The following WDR81 variants were observed in gnomAD, a reference collection of about 807,000 sequenced individuals.
WDR81 encodes the protein WD repeat-containing protein 81.
Under a neutral mutation model 140.8 loss-of-function variants are expected in WDR81, and 92 were observed. That is an observed-to-expected ratio of 0.65 (90% CI 0.55 to 0.78). The LOEUF (loss-of-function observed/expected upper bound fraction) is 0.78, where lower values mean the gene tolerates loss of function less well. WDR81 is among the 30% of genes least tolerant of loss of function. The pLI, the probability that WDR81 is intolerant of heterozygous loss-of-function variation, is 0.00. For missense variants in WDR81, 2,502 were observed against 2,636.4 expected (o/e 0.95, Z 1.12); for synonymous variants, 1,183 against 1,156.4 (o/e 1.02, Z -0.47).
At chr17:1,730,985 G>A (rs1597296261) in intron 3 of WDR81, 40 bp downstream of exon 3, 1 of 1,607,342 alleles carries the variant, frequency 6.2e-7, no homozygotes, top group African/African-American at 1.3e-5. Context: ...TGGGAAGGCT[G>A]AGGACCTGAG....
chr17:1,716,995 A>G (rs576025699), intron 1 of WDR81: 1 of 379,670 alleles, frequency 2.6e-6, no homozygotes, highest in South Asian at 3.6e-5. Context: ...GAGCCTCCCA[A>G]GAGGTAGCTT....
chr17:1,728,339 AG>A lies in WDR81; in HGVS notation c.3386del (p.Gly1129ValfsTer18). The A allele has an allele frequency of 6.2e-7, 1 of 1,612,862 alleles. No individual in the cohort carries two copies. Among genetic ancestry groups the A allele is most frequent in the Non-Finnish European group, 8.5e-7 (1 of 1,180,002 alleles). On this transcript the variant is annotated frameshift_variant, in exon 1 of 10. Coordinates refer to ENST00000409644, the MANE Select transcript of WDR81 (RefSeq NM_001163809.2). LOFTEE classifies it high-confidence loss of function. ...TSLGEERAPD[E>X]GGAPVDKSSL... The stretch of plus-strand genomic sequence containing the variant: ...CTGGGTGAGGAGCGGGCTCCAGACG[AG>A]GGGGGTGCCCCCGTGGACAAGAGCA...
At chr17:1,718,700 T>C (rs983720783) in intron 1 of WDR81, among the ~76,000 whole-genome samples, 1 of 152,284 alleles carries the variant, frequency 6.6e-6, no homozygotes, top group East Asian at 1.9e-4. Flanking sequence ...TGGCAAGGCG[T>C]GGAGAAATTG....
Position 1,733,605 on chromosome 17 carries a change from C to G in WDR81, c.4568C>G (p.Pro1523Arg). Residue 1523 changes from proline (P) to arginine (R), a missense_variant, in exon 7 of 10, where the codon CCC (proline) becomes CGC (arginine). By Grantham distance (103) the Pro-to-Arg change is moderately radical. This residue lies in a region of WDR81 where 1,737 missense variants were observed against 1,843.0 expected (regional missense o/e 0.94). Coordinates refer to ENST00000409644, the MANE Select transcript of WDR81 (RefSeq NM_001163809.2). Reference sequence around the variant, plus strand: ...GCGCTGTACTTGGAGAGCATCAGCCCCAGCAGTCGCAACCCTGCCAGCGTG... The same window carrying G: ...GCGCTGTACTTGGAGAGCATCAGCCGCAGCAGTCGCAACCCTGCCAGCGTG... ...LAALYLESIS[P>R]SSRNPASVEP... 1 of 1,576,936 alleles carries G rather than the reference C, an allele frequency of 6.3e-7. No homozygotes were observed. Among genetic ancestry groups the G allele is most frequent in the Non-Finnish European group, 8.6e-7 (1 of 1,161,454 alleles).
Position 1,732,657 on chromosome 17 carries a change from T to G in WDR81, c.4324-9T>G, listed in dbSNP as rs1904455395. ...GACCCGGCTGACCCCCTGGGTGTCTTGCTCATAGGATCTGAAGCTGGACCC... is the reference window on the plus strand; with the variant it reads ...GACCCGGCTGACCCCCTGGGTGTCTGGCTCATAGGATCTGAAGCTGGACCC... On this transcript the variant is annotated splice_polypyrimidine_tract_variant and intron_variant, in intron 5 of 9. Transcript: ENST00000409644. The G allele has an allele frequency of 5.6e-6, 9 of 1,595,552 alleles. No individual in the cohort carries two copies. The East Asian group carries it at 1.8e-4, about 32-fold the overall frequency.
upstream of WDR81, chr17:1,724,661 C>T (rs1466265013): frequency 1.9e-6 from 2 of 1,041,468 alleles, no homozygotes; most frequent in Non-Finnish European, 2.3e-6. Flanking sequence ...TCTGGAGCCA[C>T]GTGCGCTTGT....
Position 1,734,197 on chromosome 17 carries a change from C to A in WDR81, c.5160C>A (p.His1720Gln). ...QHVVSCDGAVHVWDPFTGKTL... is the reference protein window; with the variant it reads ...QHVVSCDGAVQVWDPFTGKTL... ...TGGTGAGCTGTGACGGGGCTGTGCACGTCTGGGACCCCTTCACAGGTGAGC... is the reference window on the plus strand; with the variant it reads ...TGGTGAGCTGTGACGGGGCTGTGCAAGTCTGGGACCCCTTCACAGGTGAGC... Residue 1720 changes from histidine (H) to glutamine (Q), a missense_variant, in exon 7 of 10, where the codon CAC becomes CAA. Transcript: ENST00000409644. 6.3e-7 allele frequency: 1 copy of A among 1,589,306 alleles called. No individual in the cohort carries two copies. The highest frequency in any genetic ancestry group is 1.1e-5 in the South Asian group (1 of 90,206).
rs1287235106 is a variant in WDR81, at chr17:1,725,472, C to T, written c.513C>T (p.Val171=). 1.3e-6 allele frequency: 2 copies of T among 1,548,822 alleles called. No individual in the cohort carries two copies. Among genetic ancestry groups the T allele is most frequent in the South Asian group, 1.2e-5 (1 of 84,064 alleles). ...GTCACAGCCCTGCCCCCTCAGCTGT[C>T]CCTGCCTTGGACTCAGTACGGCAGG... is the stretch of plus-strand genomic sequence containing the variant. ...PYSHSPAPSA[V]PALDSVRQAL... is the part of the protein sequence containing the mutation. Residue 171 remains valine (V), a synonymous_variant, in exon 1 of 10, where the codon GTC becomes GTT. Transcript: ENST00000409644.
At position 1,725,560 on chromosome 17, in the gene WDR81, T is replaced by C; in HGVS notation, c.601T>C (p.Tyr201His). Reference sequence around the variant, plus strand: ...GGGTGAAACTACCCAATGCCCTTCATATGCCAGAGAAGGCCCCTGCCCCCC... The same window carrying C: ...GGGTGAAACTACCCAATGCCCTTCACATGCCAGAGAAGGCCCCTGCCCCCC... ...PVGETTQCPS[Y>H]AREGPCPPRG... Residue 201 changes from tyrosine (Y) to histidine (H), a missense_variant, in exon 1 of 10, where the codon TAT becomes CAT. By Grantham distance (83) the Tyr-to-His change is moderately conservative. Coordinates refer to ENST00000409644, the MANE Select transcript of WDR81 (RefSeq NM_001163809.2). 1 of 1,545,172 alleles carries C rather than the reference T, an allele frequency of 6.5e-7. No homozygotes were observed. The highest frequency in any genetic ancestry group is 8.7e-7 in the Non-Finnish European group (1 of 1,146,954).
rs748656788 is a variant in WDR81 at position 1,735,583 on chromosome 17, C to T, written c.5191C>T (p.Arg1731Cys). The change falls in exon 8 of 10, where the codon CGC (arginine) becomes TGC (cysteine). Residue 1731 changes from arginine (R) to cysteine (C), a missense_variant. Coordinates refer to ENST00000409644, the MANE Select transcript of WDR81 (RefSeq NM_001163809.2). The surrounding 1 kb of genome is among the most constrained non-coding windows in gnomAD (Gnocchi z 4.2). ...VWDPFTGKTL[R>C]TVEPLDSRVP... ...ACTTTCCTTCCCAGGGAAGACCCTT[C>T]GCACAGTGGAGCCGCTGGACAGCCG... 1.1e-5 allele frequency: 18 copies of T among 1,610,822 alleles called. No homozygotes were observed. Among genetic ancestry groups the T allele is most frequent in the Middle Eastern group, 1.8e-4 (1 of 5,650 alleles).
At position 1,728,425 on chromosome 17, in the gene WDR81, G is replaced by C. The variant is rs1443528961; in HGVS notation, c.3466G>C (p.Glu1156Gln). 2 of 1,610,666 alleles carry C rather than the reference G, an allele frequency of 1.2e-6. No homozygotes were observed. Among genetic ancestry groups the C allele is most frequent in the Non-Finnish European group, 1.7e-6 (2 of 1,178,396 alleles). ...GCAAAGCGAGGGCTCCGAGGAGGAAGAGGAGGAGGAGGACAGCTGCGTGGT... is the reference window on the plus strand; with the variant it reads ...GCAAAGCGAGGGCTCCGAGGAGGAACAGGAGGAGGAGGACAGCTGCGTGGT... ...LKQSEGSEEE[E>Q]EEEDSCVVLE... The change falls in exon 1 of 10, where the codon GAG becomes CAG. Residue 1156 changes from glutamate (E) to glutamine (Q), a missense_variant. Glu to Gln is a conservative substitution (Grantham distance 29). Coordinates refer to ENST00000409644, the MANE Select transcript of WDR81 (RefSeq NM_001163809.2).
chr17:1,737,528 A>C lies in WDR81; in HGVS notation c.5669A>C (p.Lys1890Thr). ...SEVVTGTVSN[K>T]IGVCSLLEPP... ...GTGGTCACTGGCACCGTGTCCAACA[A>C]GATTGGCGTCTGCTCCCTGCTTGAG... Residue 1890 changes from lysine to threonine, a missense_variant, in exon 10 of 10, where the codon AAG becomes ACG. By Grantham distance (78) the Lys-to-Thr change is moderately conservative (BLOSUM62 -1). Transcript: ENST00000409644. The C allele has an allele frequency of 6.2e-7, 1 of 1,613,084 alleles. No homozygotes were observed. Among genetic ancestry groups the C allele is most frequent in the Non-Finnish European group, 8.5e-7 (1 of 1,180,000 alleles).
Position 1,731,264 on chromosome 17 carries a change from C to T in WDR81, c.4157+6C>T. On this transcript the variant is annotated splice_donor_region_variant and intron_variant, in intron 4 of 9. Transcript: ENST00000409644. ...CTCACCTCCCTCGTCACGGGGTAGG[C>T]CTCTGCCCCAGCTGATGTAGGGGGA... 3 of 1,612,086 alleles carry T rather than the reference C, an allele frequency of 1.9e-6. No homozygotes were observed. Among genetic ancestry groups the T allele is most frequent in the Non-Finnish European group, 2.5e-6 (3 of 1,179,306 alleles).
chr17:1,734,043 A>G lies in WDR81; in HGVS notation c.5006A>G (p.Asp1669Gly). ...GACTTCTTCCTGAGCGGCAGCAAGG[A>G]TCGTACCGTGCGCCTCTGGCCGCTG... Reference protein sequence around the residue: ...SEDFFLSGSKDRTVRLWPLYN... With the variant: ...SEDFFLSGSKGRTVRLWPLYN... Residue 1669 changes from aspartate (D) to glycine (G), a missense_variant, in exon 7 of 10, where the codon GAT (aspartate) becomes GGT (glycine). Around this residue, in one of 3 missense-constraint regions of WDR81, gnomAD observed 1,737 missense variants for 1,843.0 expected, o/e 0.94. Coordinates refer to ENST00000409644, the MANE Select transcript of WDR81 (RefSeq NM_001163809.2). 1 of 1,610,162 alleles carries G rather than the reference A, an allele frequency of 6.2e-7. No individual in the cohort carries two copies. Among genetic ancestry groups the G allele is most frequent in the Non-Finnish European group, 8.5e-7 (1 of 1,179,958 alleles).
upstream of WDR81, among the ~76,000 whole-genome samples, chr17:1,720,113 C>T (rs1914784047): frequency 6.6e-6 from 1 of 152,230 alleles, no homozygotes; most frequent in African/African-American, 2.4e-5. Flanking sequence ...CCACACTGGT[C>T]CGCAGCTGGT....
intron 4 of WDR81, 33 bp from the exon 5 acceptor site, chr17:1,732,292 C>T (rs760827092): frequency 6.7e-5 from 108 of 1,602,986 alleles, no homozygotes; most frequent in Admixed American, 2.4e-4. Flanking sequence ...TCCTGCAGAA[C>T]GGCGGGCTGG....
chr17:1,716,763 G>T, intron 1 of WDR81: 1 of 1,052,658 alleles, frequency 9.5e-7, no homozygotes, highest in Non-Finnish European at 1.4e-6. Flanking sequence ...CGGCCTCTGC[G>T]GGACGCTATA....
chr17:1,730,984 T>C (rs1046828039), intron 3 of WDR81, 39 bp downstream of exon 3: 1 of 1,606,952 alleles, frequency 6.2e-7, no homozygotes. Flanking sequence ...CTGGGAAGGC[T>C]GAGGACCTGA....
At chr17:1,733,108 G>A (rs906708352) in intron 6 of WDR81, 13 of 485,346 alleles carry the variant, frequency 2.7e-5, no homozygotes, top group Admixed American at 7.7e-5. Flanking sequence ...AGGAGCTGGC[G>A]AGAGGGAAGG....
Sources: allele counts gnomAD v4.1 joint callset (sites outside exome capture counted in the v4.1 genomes callset), GRCh38; gene constraint gnomAD v4.1.1; regional missense constraint gnomAD v4.1.1; non-coding constraint Gnocchi (gnomAD v3.1); transcripts MANE v1.5; gene names NCBI Gene and HGNC (gene_info 2026-07-23, HGNC 2026-07-21).